Variants in NRP1 observed in about 807,000 individuals in gnomAD.
NRP1 encodes the protein neuropilin 1.
Under a neutral mutation model 106.7 loss-of-function variants are expected in NRP1, and 35 were observed. The observed-to-expected ratio is 0.33, with a 90% CI of 0.25 to 0.43. NRP1 has a LOEUF of 0.43. Among genes scored for constraint, NRP1 ranks in the 20% least tolerant of loss-of-function variants. The probability of loss-of-function intolerance (pLI) is 1.00; values close to 1 mark genes in which losing one functional copy is unlikely to be tolerated. For synonymous variants in NRP1, 437 were observed against 417.9 expected (o/e 1.05, Z -0.56); for missense variants, 1,024 against 1,170.4 (o/e 0.87, Z 1.83).
chr10:33,324,543 A>G (rs1241465779), intron 2 of NRP1, among the ~76,000 whole-genome samples: 1 of 152,246 alleles, frequency 6.6e-6, no homozygotes. Flanking sequence ...TAGAAAATGC[A>G]TCAGTAGGAT....
At chr10:33,325,670 A>C (rs1847833400) in intron 2 of NRP1, among the ~76,000 whole-genome samples, 1 of 152,234 alleles carries the variant, frequency 6.6e-6, no homozygotes, top group Non-Finnish European at 1.5e-5. Context: ...AAAAACTAGC[A>C]TTAAAGGAAC....
rs1198608567 is a variant in NRP1, at chr10:33,262,651, C to T, written c.658+995G>A. ...CTGGGAGGCGGAGGTTGCAGTGAGC[C>T]GAGATTGCTCCACTGAACTCCAGCC... is the stretch of plus-strand genomic sequence containing the variant. On this transcript the variant is annotated intron_variant, in intron 4 of 16. Transcript: ENST00000374867. Among the ~76,000 whole-genome samples, 3 of 145,202 alleles carry T rather than the reference C, an allele frequency of 2.1e-5. No homozygotes were observed. In the South Asian group the frequency reaches 6.5e-4, roughly 31 times the overall value.
chr10:33,245,054 T>A (rs1316014635), intron 6 of NRP1, among the ~76,000 whole-genome samples: 1 of 152,216 alleles, frequency 6.6e-6, no homozygotes, highest in African/African-American at 2.4e-5. Context: ...TATGAAGCTA[T>A]TTTCCTGCAT....
intron 11 of NRP1, among the ~76,000 whole-genome samples, chr10:33,199,393 T>G (rs866227814): frequency 4.2e-5 from 2 of 47,478 alleles, no homozygotes; most frequent in African/African-American, 1.1e-4. Flanking sequence ...ATATATATTT[T>G]TTTTTTTTTT....
intron 2 of NRP1, among the ~76,000 whole-genome samples, chr10:33,320,994 T>A (rs1035291115): frequency 6.6e-6 from 1 of 152,166 alleles, no homozygotes; most frequent in Non-Finnish European, 1.5e-5. Context: ...ACATTTTATT[T>A]ATTTATTTTT....
At chr10:33,317,296 T>G (rs1847108949) in intron 2 of NRP1, among the ~76,000 whole-genome samples, 1 of 152,180 alleles carries the variant, frequency 6.6e-6, no homozygotes, top group African/African-American at 2.4e-5. Context: ...GATCCCAAGC[T>G]CTTTCCTGCA....
intron 2 of NRP1, among the ~76,000 whole-genome samples, chr10:33,291,337 C>T (rs910703646): frequency 5.9e-5 from 9 of 152,264 alleles, no homozygotes; most frequent in Middle Eastern, 3.4e-3. Flanking sequence ...ATACACAGCC[C>T]GGAGTTCACA....
chr10:33,331,118 C>T (rs867132679), intron 1 of NRP1, among the ~76,000 whole-genome samples: 1 of 152,150 alleles, frequency 6.6e-6, no homozygotes, highest in African/African-American at 2.4e-5. Context: ...ACTCTTCCCC[C>T]CAGCCCCGAA....
At chr10:33,287,737 T>C (rs1844680674) in intron 2 of NRP1, among the ~76,000 whole-genome samples, 2 of 152,126 alleles carry the variant, frequency 1.3e-5, no homozygotes, top group Non-Finnish European at 2.9e-5. Context: ...GTGTCTGGAG[T>C]GGAAGGAATG....
At chr10:33,300,125 T>C (rs1222943768) in intron 2 of NRP1, among the ~76,000 whole-genome samples, 1 of 152,234 alleles carries the variant, frequency 6.6e-6, no homozygotes, top group East Asian at 1.9e-4. Flanking sequence ...TTTTCTTTGC[T>C]ATCACGGGGA....
intron 6 of NRP1, among the ~76,000 whole-genome samples, chr10:33,244,688 A>T (rs1841287061): frequency 6.6e-6 from 1 of 152,222 alleles, no homozygotes; most frequent in Admixed American, 6.5e-5. Context: ...TTATTAACCA[A>T]TAGACAGCCT....
rs915672010 is a variant in NRP1, at chr10:33,247,629, A to G, written c.981+6399T>C. The stretch of plus-strand genomic sequence containing the variant: ...TTCTCCGAATAGCTGGCATGAGAGT[A>G]TCTCTCCAGCATACCTCAGTCGCAA... On this transcript the variant is annotated intron_variant, in intron 6 of 16. Transcript: ENST00000374867. 1.2e-4 allele frequency among the ~76,000 whole-genome samples: 18 copies of G among 152,314 alleles called. No homozygotes were observed. In the South Asian group the frequency reaches 2.1e-3, roughly 18 times the overall value.
chr10:33,312,354 T>C lies in NRP1; in HGVS notation c.248+18354A>G, dbSNP rs150469927. On this transcript the variant is annotated intron_variant, in intron 2 of 16. Coordinates refer to ENST00000374867, the MANE Select transcript of NRP1 (RefSeq NM_003873.7). The stretch of plus-strand genomic sequence containing the variant: ...TTGTTTAGCCTTTGAAAAGCTACTT[T>C]ATCATTATACATTTTGGGCATTTCC... 2.9e-4 allele frequency among the ~76,000 whole-genome samples: 44 copies of C among 152,362 alleles called. 2 individuals are homozygous for C. The East Asian group carries it at 8.3e-3, about 29-fold the overall frequency.
chr10:33,314,400 A>G (rs1456130986), intron 2 of NRP1, among the ~76,000 whole-genome samples: 5 of 152,168 alleles, frequency 3.3e-5, no homozygotes, highest in Admixed American at 1.3e-4. Context: ...ATTCTTTTCT[A>G]TGGTTGCAGA....
At chr10:33,221,130 G>A (rs1235402980) in intron 8 of NRP1, among the ~76,000 whole-genome samples, 1 of 152,068 alleles carries the variant, frequency 6.6e-6, no homozygotes, top group African/African-American at 2.4e-5. Context: ...AGGATCACTT[G>A]AACCTGGAAG....
At chr10:33,255,206 T>G (rs1842117488) in intron 5 of NRP1, among the ~76,000 whole-genome samples, 2 of 152,216 alleles carry the variant, frequency 1.3e-5, no homozygotes, top group Non-Finnish European at 2.9e-5. Context: ...GCTTCATATT[T>G]TTAAGCTTAG....
chr10:33,318,926 C>T (rs1847236141), intron 2 of NRP1, among the ~76,000 whole-genome samples: 1 of 151,210 alleles, frequency 6.6e-6, no homozygotes, highest in Non-Finnish European at 1.5e-5. Context: ...TGTAACTGAT[C>T]ATGGAAGAGG....
intron 1 of NRP1, among the ~76,000 whole-genome samples, chr10:33,333,931 C>T (rs1564499526): frequency 6.6e-6 from 1 of 152,112 alleles, no homozygotes; most frequent in African/African-American, 2.4e-5. Flanking sequence ...AGTAAGATCT[C>T]CTGGTAAAGT....
At chr10:33,293,393 G>T (rs1444799805) in intron 2 of NRP1, among the ~76,000 whole-genome samples, 1 of 152,052 alleles carries the variant, frequency 6.6e-6, no homozygotes, top group Non-Finnish European at 1.5e-5. Flanking sequence ...TTTATAATGG[G>T]GATGGTAACT....
Sources: allele counts gnomAD v4.1 joint callset (sites outside exome capture counted in the v4.1 genomes callset), GRCh38; gene constraint gnomAD v4.1.1; transcripts MANE v1.5; gene names NCBI Gene and HGNC (gene_info 2026-07-23, HGNC 2026-07-21).